AGPS: variants seen among roughly 807,000 people sequenced by gnomAD.
AGPS encodes alkylglycerone phosphate synthase.
Under a neutral mutation model 90.7 loss-of-function variants are expected in AGPS, and 26 were observed. The ratio of observed to expected loss-of-function variants is 0.29; its 90% confidence interval spans 0.21 to 0.40. The LOEUF (loss-of-function observed/expected upper bound fraction) is 0.40, where lower values mean the gene tolerates loss of function less well. Ranked by LOEUF, AGPS falls within the 10% of genes least tolerant of loss-of-function variation. The probability of loss-of-function intolerance (pLI) is 1.00; values close to 1 mark genes in which losing one functional copy is unlikely to be tolerated. For missense variants in AGPS, 540 were observed against 816.1 expected (o/e 0.66, Z 4.12); for synonymous variants, 294 against 285.3 (o/e 1.03, Z -0.31).
At chr2:177,473,042 T>G (rs374336204) in intron 10 of AGPS, among the ~76,000 whole-genome samples, 3 of 152,248 alleles carry the variant, frequency 2.0e-5, no homozygotes, top group African/African-American at 7.2e-5. Flanking sequence ...CTCTCTACTT[T>G]TTGTGTGTAG....
intron 14 of AGPS, among the ~76,000 whole-genome samples, chr2:177,502,236 C>T (rs780765166): frequency 3.2e-4 from 34 of 106,598 alleles, no homozygotes; most frequent in Admixed American, 8.7e-4. Flanking sequence ...AAGATTGGCT[C>T]CGTTTGAGGT....
chr2:177,488,167 A>C (rs1286971320), intron 11 of AGPS, among the ~76,000 whole-genome samples: 1 of 152,012 alleles, frequency 6.6e-6, no homozygotes, highest in Non-Finnish European at 1.5e-5. Context: ...TTTTATGTCC[A>C]GAAATTCACA....
intron 2 of AGPS, among the ~76,000 whole-genome samples, chr2:177,424,821 T>C (rs981492407): frequency 1.3e-5 from 2 of 152,254 alleles, no homozygotes; most frequent in African/African-American, 4.8e-5. Context: ...TGTGCGTTTC[T>C]CTAATGATGA....
At chr2:177,532,769 C>T (rs1019344310) in intron 19 of AGPS, among the ~76,000 whole-genome samples, 1 of 152,158 alleles carries the variant, frequency 6.6e-6, no homozygotes, top group Non-Finnish European at 1.5e-5. Flanking sequence ...GTGGTACATC[C>T]ATACCATAGG....
At chr2:177,429,965 TTCTG>T (rs1228693059) in intron 2 of AGPS, among the ~76,000 whole-genome samples, 1 of 151,972 alleles carries the variant, frequency 6.6e-6, no homozygotes, top group East Asian at 1.9e-4. Context: ...GAGATCAGAG[TTCTG>T]TCTGTGTCAC....
At chr2:177,405,893 A>G (rs894971231) in intron 1 of AGPS, among the ~76,000 whole-genome samples, 15 of 152,008 alleles carry the variant, frequency 9.9e-5, no homozygotes, top group Non-Finnish European at 2.2e-4. Context: ...TACATTTTTA[A>G]TTATTGGGTA....
At chr2:177,468,058 C>T (rs551280915) in intron 9 of AGPS, among the ~76,000 whole-genome samples, 8 of 152,124 alleles carry the variant, frequency 5.3e-5, no homozygotes, top group African/African-American at 1.9e-4. Context: ...TAATATGCTT[C>T]ATAAAGGTTA....
chr2:177,417,896 G>A (rs754495305), intron 1 of AGPS, among the ~76,000 whole-genome samples: 1 of 152,116 alleles, frequency 6.6e-6, no homozygotes, highest in South Asian at 2.1e-4. Context: ...TGGGGATGGG[G>A]TTAGAATATG....
At chr2:177,493,018 T>G (rs1688312665) in intron 11 of AGPS, 130 bp from the exon 12 acceptor site, 1 of 796,334 alleles carries the variant, frequency 1.3e-6, no homozygotes, top group Admixed American at 2.7e-5. Flanking sequence ...AGTTAACTTT[T>G]TTTCCTCTGT....
At chr2:177,470,986 TTAAG>T (rs763557657) in intron 10 of AGPS, among the ~76,000 whole-genome samples, 1 of 152,166 alleles carries the variant, frequency 6.6e-6, no homozygotes, top group African/African-American at 2.4e-5. Flanking sequence ...GTTATAAGGA[TTAAG>T]TGAGATTATG....
intron 1 of AGPS, among the ~76,000 whole-genome samples, chr2:177,414,061 G>T (rs1188014080): frequency 6.6e-6 from 1 of 151,932 alleles, no homozygotes; most frequent in East Asian, 1.9e-4. Flanking sequence ...CTTGCCCCCC[G>T]CCCCTTTCCT....
At chr2:177,414,403 C>A (rs1193238110) in intron 1 of AGPS, among the ~76,000 whole-genome samples, 1 of 151,858 alleles carries the variant, frequency 6.6e-6, no homozygotes, top group Non-Finnish European at 1.5e-5. Context: ...AATTAGGGGT[C>A]CCGCTGTATT....
intron 1 of AGPS, among the ~76,000 whole-genome samples, chr2:177,415,362 C>T (rs1265581968): frequency 6.6e-5 from 10 of 152,218 alleles, no homozygotes; most frequent in South Asian, 2.1e-4. Context: ...AAGCTTACTA[C>T]ATGATTGCTC....
chr2:177,477,669 G>T (rs1256990902), intron 10 of AGPS, among the ~76,000 whole-genome samples: 1 of 152,088 alleles, frequency 6.6e-6, no homozygotes, highest in Non-Finnish European at 1.5e-5. Context: ...TCTAGACATA[G>T]AACTTTTTTT....
At chr2:177,478,877 T>A (rs1687863750) in intron 10 of AGPS, among the ~76,000 whole-genome samples, 1 of 151,714 alleles carries the variant, frequency 6.6e-6, no homozygotes, top group Admixed American at 6.6e-5. Flanking sequence ...GGCCTACATT[T>A]TAGGCTATAT....
chr2:177,535,665 A>G (rs1280558788), intron 19 of AGPS, among the ~76,000 whole-genome samples: 2 of 152,176 alleles, frequency 1.3e-5, no homozygotes, highest in Non-Finnish European at 2.9e-5. Context: ...GGCATATTGA[A>G]CGTTTTTGTT....
In AGPS at chr2:177,515,071, G is replaced by A. The variant is rs151103751; in HGVS notation, c.1697+1163G>A. Among the ~76,000 whole-genome samples the A allele has an allele frequency of 6.0e-5, 9 of 150,682 alleles. No homozygotes were observed. The East Asian group carries it at 1.4e-3, about 23-fold the overall frequency. ...ATATCTGAAGGAAAGGCAAAGAGAGGTCTTGTTCTCTGTAGTAAAAAGCTT... is the reference window on the plus strand; with the variant it reads ...ATATCTGAAGGAAAGGCAAAGAGAGATCTTGTTCTCTGTAGTAAAAAGCTT... On this transcript the variant is annotated intron_variant, in intron 17 of 19. Transcript: ENST00000264167.
intron 8 of AGPS, among the ~76,000 whole-genome samples, chr2:177,448,482 A>G (rs1686840098): frequency 6.6e-6 from 1 of 152,122 alleles, no homozygotes; most frequent in Admixed American, 6.5e-5. Context: ...CCACTTGCGT[A>G]TTTACAGACA....
At chr2:177,466,693 C>G (rs143415430) in intron 9 of AGPS, among the ~76,000 whole-genome samples, 1 of 152,258 alleles carries the variant, frequency 6.6e-6, no homozygotes, top group South Asian at 2.1e-4. Context: ...TGCGCACACC[C>G]GGCTGGGTTG....
Sources: allele counts gnomAD v4.1 joint callset (sites outside exome capture counted in the v4.1 genomes callset), GRCh38; gene constraint gnomAD v4.1.1; transcripts MANE v1.5; gene names NCBI Gene and HGNC (gene_info 2026-07-23, HGNC 2026-07-21).